DIP2C: variants seen among roughly 807,000 people sequenced by gnomAD.
DIP2C encodes the protein disco-interacting protein 2 homolog C.
In DIP2C, 33 loss-of-function variants were observed where a neutral mutation model predicts 192.4. The observed-to-expected ratio is 0.17, with a 90% CI of 0.13 to 0.23. The LOEUF is 0.23. Among genes scored for constraint, DIP2C ranks in the 10% least tolerant of loss-of-function variants. The probability of loss-of-function intolerance (pLI) is 1.00; values close to 1 mark genes in which losing one functional copy is unlikely to be tolerated. For synonymous variants in DIP2C, 979 were observed against 864.1 expected (o/e 1.13, Z -2.33); for missense variants, 1,537 against 2,110.1 (o/e 0.73, Z 5.32).
At chr10:393,526 C>T (rs915072291) in intron 10 of DIP2C, among the ~76,000 whole-genome samples, 3 of 152,120 alleles carry the variant, frequency 2.0e-5, no homozygotes, top group Admixed American at 6.5e-5. Context: ...GCCTGTAATC[C>T]CAGCACTTTG....
At chr10:582,198 G>C (rs1850711232) in intron 1 of DIP2C, among the ~76,000 whole-genome samples, 1 of 152,190 alleles carries the variant, frequency 6.6e-6, no homozygotes, top group South Asian at 2.1e-4. Context: ...ACTGGCACCA[G>C]TCTGCAGCCC....
chr10:476,871 C>T (rs1843074677), intron 2 of DIP2C, among the ~76,000 whole-genome samples: 2 of 151,720 alleles, frequency 1.3e-5, no homozygotes, highest in Non-Finnish European at 1.5e-5. Flanking sequence ...GAAAAGCTAT[C>T]AAGGTCGCCC....
At chr10:590,001 A>T (rs569274140) in intron 1 of DIP2C, among the ~76,000 whole-genome samples, 8 of 152,380 alleles carry the variant, frequency 5.3e-5, no homozygotes, top group Admixed American at 5.2e-4. Flanking sequence ...TAGAAGAGAA[A>T]TACCTTTCAC....
At chr10:464,396 G>A (rs538319790) in intron 3 of DIP2C, among the ~76,000 whole-genome samples, 2 of 151,286 alleles carry the variant, frequency 1.3e-5, no homozygotes, top group East Asian at 3.9e-4. Flanking sequence ...AAAAAAAAAA[G>A]CTCATCATCA....
Position 449,217 on chromosome 10 carries a change from C to T in DIP2C, c.269-8221G>A, listed in dbSNP as rs370562397. 3.9e-5 allele frequency among the ~76,000 whole-genome samples: 6 copies of T among 152,268 alleles called. No homozygotes were observed. The East Asian group carries it at 9.7e-4, about 24-fold the overall frequency. On this transcript the variant is annotated intron_variant, in intron 3 of 36. Transcript: ENST00000280886. Reference sequence around the variant, plus strand: ...ACAGTGGGGCAGCAAGACCCACTCACCCCCGTCGATACTCAGCGGCATCCT... The same window carrying T: ...ACAGTGGGGCAGCAAGACCCACTCATCCCCGTCGATACTCAGCGGCATCCT...
Position 579,076 on chromosome 10 carries a change from T to C in DIP2C, c.86-92546A>G, listed in dbSNP as rs183571731. Among the ~76,000 whole-genome samples the C allele has an allele frequency of 5.5e-3, 837 of 152,188 alleles. 10 individuals are homozygous for C. The highest frequency in any genetic ancestry group is 8.0e-3 in the Non-Finnish European group (547 of 67,976). ...TAAGTGCACAACATGTGTATGTGCA[T>C]AGAGCATACACACATGCAGATCCAT... On this transcript the variant is annotated intron_variant, in intron 1 of 36. Coordinates refer to ENST00000280886, the MANE Select transcript of DIP2C (RefSeq NM_014974.3).
At chr10:669,991 A>G (rs1283933090) in intron 1 of DIP2C, among the ~76,000 whole-genome samples, 1 of 152,104 alleles carries the variant, frequency 6.6e-6, no homozygotes, top group African/African-American at 2.4e-5. Context: ...TGAGCTACCC[A>G]TTTTCTGACT....
chr10:610,614 GAAGC>G (rs1464400909), intron 1 of DIP2C, among the ~76,000 whole-genome samples: 5 of 152,260 alleles, frequency 3.3e-5, no homozygotes, highest in African/African-American at 1.2e-4. Flanking sequence ...AATCGTTTGC[GAAGC>G]AAGTGCAGGT....
intron 1 of DIP2C, among the ~76,000 whole-genome samples, chr10:616,611 C>T (rs1187995935): frequency 6.6e-6 from 1 of 152,170 alleles, no homozygotes; most frequent in Non-Finnish European, 1.5e-5. Context: ...CAGCACAGCA[C>T]CCAGAGGTCT....
chr10:441,150 C>T (rs1490852658), intron 3 of DIP2C, 154 bp from the exon 4 acceptor site: 4 of 798,680 alleles, frequency 5.0e-6, no homozygotes, highest in Non-Finnish European at 5.6e-6. Context: ...TTTACAATTC[C>T]AGTAAAGACA....
chr10:372,341 T>A (rs1284787585), intron 17 of DIP2C, among the ~76,000 whole-genome samples: 1 of 152,178 alleles, frequency 6.6e-6, no homozygotes, highest in African/African-American at 2.4e-5. Flanking sequence ...TCCCAAGGTG[T>A]TGGAATTACA....
intron 10 of DIP2C, among the ~76,000 whole-genome samples, chr10:394,870 G>A (rs560130455): frequency 6.6e-6 from 1 of 150,828 alleles, no homozygotes; most frequent in South Asian, 2.1e-4. Context: ...CACACAGTGG[G>A]CGCTATTCAG....
At chr10:279,789 T>C (rs1379729202) in intron 36 of DIP2C, among the ~76,000 whole-genome samples, 3 of 152,096 alleles carry the variant, frequency 2.0e-5, no homozygotes. Flanking sequence ...ACAGATCCAG[T>C]TTGGGGGTCA....
At chr10:586,984 C>T (rs1851081631) in intron 1 of DIP2C, among the ~76,000 whole-genome samples, 1 of 151,970 alleles carries the variant, frequency 6.6e-6, no homozygotes, top group African/African-American at 2.4e-5. Flanking sequence ...CGGGTCCCCA[C>T]TGACAGCATG....
chr10:506,321 T>TG (rs1845590706), intron 1 of DIP2C, among the ~76,000 whole-genome samples: 2 of 152,074 alleles, frequency 1.3e-5, no homozygotes, highest in African/African-American at 4.8e-5. Flanking sequence ...CTGCATGACA[T>TG]CTTCTGAGAG....
At chr10:650,971 G>A (rs1390574000) in intron 1 of DIP2C, 1 of 717,424 alleles carries the variant, frequency 1.4e-6, no homozygotes. Flanking sequence ...TCCAAAGCCG[G>A]CACTGCCCTC....
intron 32 of DIP2C, among the ~76,000 whole-genome samples, chr10:308,983 A>G (rs1395979063): frequency 6.6e-6 from 1 of 152,200 alleles, no homozygotes; most frequent in Non-Finnish European, 1.5e-5. Flanking sequence ...GCCTCCAGGC[A>G]TGTCAGACAT....
chr10:487,428 C>T (rs1425304135), intron 1 of DIP2C, among the ~76,000 whole-genome samples: 1 of 152,112 alleles, frequency 6.6e-6, no homozygotes, highest in Non-Finnish European at 1.5e-5. Context: ...TCGGATGCTG[C>T]CTCTGCCTCC....
chr10:398,514 C>G (rs1964165495), intron 10 of DIP2C, among the ~76,000 whole-genome samples: 1 of 152,216 alleles, frequency 6.6e-6, no homozygotes. Flanking sequence ...AACCCAAAAG[C>G]TGCAGCCGGA....
Sources: gnomAD v4.1 joint callset for allele counts (sites outside exome capture counted in the v4.1 genomes callset) on GRCh38, gnomAD v4.1.1 for gene constraint, MANE v1.5 for transcripts, NCBI Gene and HGNC (gene_info 2026-07-23, HGNC 2026-07-21) for gene names.